Variants in FRMPD4 observed in about 807,000 individuals in gnomAD.
FRMPD4 encodes the protein FERM and PDZ domain containing 4, also known as FERM and PDZ domain-containing protein 4.
FRMPD4 carries 22 observed loss-of-function variants against 94.1 expected under a neutral mutation model. The ratio of observed to expected loss-of-function variants is 0.23; its 90% CI spans 0.17 to 0.33. The LOEUF (loss-of-function observed/expected upper bound fraction) is 0.33, where lower values mean the gene tolerates loss of function less well. Ranked by LOEUF, FRMPD4 falls within the 10% of genes least tolerant of loss-of-function variation. The pLI, the probability that FRMPD4 is intolerant of heterozygous loss-of-function variation, is 1.00. For synonymous variants in FRMPD4, 631 were observed against 548.6 expected (o/e 1.15, Z -2.10); for missense variants, 1,111 against 1,339.9 (o/e 0.83, Z 2.67).
intron 3 of FRMPD4, among the ~76,000 whole-genome samples, chrX:12,069,752 G>A (rs1401727190): frequency 8.9e-6 from 1 of 111,796 alleles, no homozygotes; most frequent in Non-Finnish European, 1.9e-5. Flanking sequence ...AGGGGGAAGA[G>A]AAGCAGGAGA....
At chrX:12,192,290 G>A (rs1447204373) in intron 1 of FRMPD4, among the ~76,000 whole-genome samples, 2 of 111,809 alleles carry the variant, frequency 1.8e-5, no homozygotes, top group Non-Finnish European at 3.8e-5. Flanking sequence ...AAGCCTCTAA[G>A]CCACTGGATA....
chrX:11,877,280 A>G (rs2053790834), intron 2 of FRMPD4, among the ~76,000 whole-genome samples: 1 of 112,116 alleles, frequency 8.9e-6, no homozygotes, highest in South Asian at 3.7e-4. Flanking sequence ...AAGCCATGGG[A>G]GAAGTTAAGC....
intron 3 of FRMPD4, among the ~76,000 whole-genome samples, chrX:11,967,008 C>G (rs1467608629): frequency 3.6e-5 from 4 of 112,043 alleles, no homozygotes; most frequent in Non-Finnish European, 7.5e-5. Flanking sequence ...GAGTTTTAAT[C>G]CTTTATCTAG....
intron 1 of FRMPD4, among the ~76,000 whole-genome samples, chrX:12,168,015 G>A (rs2056151441): frequency 9.2e-6 from 1 of 109,086 alleles, no homozygotes; most frequent in Middle Eastern, 4.2e-3. Flanking sequence ...ACAACTGGGA[G>A]AGGGGCTGCT....
At chrX:11,973,778 A>G (rs1297104344) in intron 3 of FRMPD4, among the ~76,000 whole-genome samples, 1 of 112,085 alleles carries the variant, frequency 8.9e-6, no homozygotes, top group Non-Finnish European at 1.9e-5. Context: ...GGAGTGCTAT[A>G]TAACGCTAAG....
intron 1 of FRMPD4, among the ~76,000 whole-genome samples, chrX:11,862,930 C>G (rs2053695439): frequency 9.8e-6 from 1 of 102,237 alleles, no homozygotes; most frequent in Admixed American, 1.1e-4. Context: ...GGGTAGCAAC[C>G]TGATTGGAGG....
intron 3 of FRMPD4, among the ~76,000 whole-genome samples, chrX:11,991,793 A>C (rs1319719688): frequency 1.8e-5 from 2 of 112,467 alleles, no homozygotes. Flanking sequence ...ATGTAAACTA[A>C]GATACATACT....
intron 4 of FRMPD4, among the ~76,000 whole-genome samples, chrX:12,651,476 C>T (rs1476155658): frequency 9.1e-6 from 1 of 109,932 alleles, no homozygotes; most frequent in Non-Finnish European, 1.9e-5. Context: ...TTTGTACAGG[C>T]CTGTTATTAT....
intron 1 of FRMPD4, among the ~76,000 whole-genome samples, chrX:12,490,304 A>G (rs1464704962): frequency 9.0e-6 from 1 of 110,674 alleles, no homozygotes; most frequent in African/African-American, 3.3e-5. Context: ...TAAAGGTCCC[A>G]TCACCTCCCA....
At chrX:12,089,792 G>A (rs181946093) in intron 3 of FRMPD4, among the ~76,000 whole-genome samples, 258 of 111,876 alleles carry the variant, frequency 2.3e-3, no homozygotes, top group African/African-American at 7.8e-3. Context: ...AATGTGTTTG[G>A]TGTCTACTAA....
intron 1 of FRMPD4, among the ~76,000 whole-genome samples, chrX:11,844,192 T>G (rs2053559948): frequency 9.4e-6 from 1 of 106,408 alleles, no homozygotes. Context: ...AGACGAGTTT[T>G]CACTATGTTA....
At chrX:12,706,786 C>A in intron 11 of FRMPD4, 40 bp from the exon 12 acceptor site, 1 of 705,664 alleles carries the variant, frequency 1.4e-6, no homozygotes. Flanking sequence ...GGAGTCATAC[C>A]CAATAGAGTT....
chrX:12,649,322 C>A (rs1208400729), intron 4 of FRMPD4, among the ~76,000 whole-genome samples: 1 of 112,059 alleles, frequency 8.9e-6, no homozygotes, highest in Non-Finnish European at 1.9e-5. Context: ...AGAATGCTTT[C>A]CCTCATGGCT....
intron 1 of FRMPD4, among the ~76,000 whole-genome samples, chrX:12,229,143 A>G (rs193290063): frequency 4.5e-5 from 5 of 112,325 alleles, no homozygotes; most frequent in Non-Finnish European, 7.5e-5. Flanking sequence ...AGGAATTATC[A>G]TATATTCACG....
chrX:12,680,330 A>C (rs992873001), intron 5 of FRMPD4, among the ~76,000 whole-genome samples: 2 of 112,390 alleles, frequency 1.8e-5, no homozygotes, highest in African/African-American at 6.5e-5. Flanking sequence ...TGTGATCAAC[A>C]CCTACAGGTT....
intron 1 of FRMPD4, among the ~76,000 whole-genome samples, chrX:11,853,017 T>A (rs1469297654): frequency 8.9e-6 from 1 of 112,115 alleles, no homozygotes; most frequent in Non-Finnish European, 1.9e-5. Context: ...AAACACTCCT[T>A]AGCAAATGCA....
chrX:12,365,976 G>A (rs1432135514), intron 1 of FRMPD4, among the ~76,000 whole-genome samples: 1 of 112,335 alleles, frequency 8.9e-6, no homozygotes, highest in Non-Finnish European at 1.9e-5. Context: ...ATGAATAAGC[G>A]TTGCCCTCAA....
chrX:12,150,237 A>G (rs1393054805), intron 1 of FRMPD4, among the ~76,000 whole-genome samples: 1 of 112,202 alleles, frequency 8.9e-6, no homozygotes, highest in Non-Finnish European at 1.9e-5. Flanking sequence ...ACCATACTGT[A>G]TTCCACATGA....
intron 5 of FRMPD4, among the ~76,000 whole-genome samples, chrX:12,681,926 C>T (rs1208973042): frequency 5.4e-5 from 6 of 111,544 alleles, no homozygotes; most frequent in African/African-American, 1.6e-4. Context: ...AAGGAAACCC[C>T]GTATTCATTA....
Sources: allele counts gnomAD v4.1 joint callset (sites outside exome capture counted in the v4.1 genomes callset), GRCh38; gene constraint gnomAD v4.1.1; transcripts MANE v1.5; gene names NCBI Gene and HGNC (gene_info 2026-07-23, HGNC 2026-07-21).